PKM: variants seen among roughly 807,000 people sequenced by gnomAD.
The protein encoded by PKM is pyruvate kinase M1/2, also known as pyruvate kinase PKM.
Under a neutral mutation model 49.8 loss-of-function variants are expected in PKM, and 18 were observed. The observed-to-expected ratio is 0.36, with a 90% confidence interval of 0.25 to 0.54. PKM has a LOEUF of 0.54. Ranked by LOEUF, PKM falls within the 20% of genes least tolerant of loss-of-function variation. The pLI is 0.89. For synonymous variants in PKM, 239 were observed against 261.8 expected (o/e 0.91, Z 0.84); for missense variants, 508 against 713.8 (o/e 0.71, Z 3.28).
intron 8 of PKM, chr15:72,203,535 C>T (rs982494918): frequency 5.5e-6 from 2 of 365,456 alleles, no homozygotes; most frequent in Admixed American, 8.0e-5. Flanking sequence ...AGGACTTGAC[C>T]ACGCTGCCTC....
intron 1 of PKM, among the ~76,000 whole-genome samples, chr15:72,230,579 G>C (rs1008621519): frequency 6.6e-6 from 1 of 152,140 alleles, no homozygotes; most frequent in African/African-American, 2.4e-5. Context: ...GCGCGGGAAG[G>C]GCGGTCGCGC....
At chr15:72,223,375 A>C (rs552597001) in intron 1 of PKM, among the ~76,000 whole-genome samples, 50 of 152,288 alleles carry the variant, frequency 3.3e-4, no homozygotes, top group African/African-American at 1.2e-3. Context: ...CACATAGATC[A>C]ACTATAAAAT....
intron 2 of PKM, among the ~76,000 whole-genome samples, chr15:72,218,561 A>C (rs1440222768): frequency 1.3e-5 from 2 of 151,244 alleles, no homozygotes; most frequent in Non-Finnish European, 2.9e-5. Context: ...CCAGAACTAC[A>C]GGTGCATGCC....
chr15:72,228,562 A>C (rs1326519059), intron 1 of PKM: 8 of 1,011,886 alleles, frequency 7.9e-6, no homozygotes, highest in Non-Finnish European at 1.1e-5. Flanking sequence ...ACCACAATGT[A>C]GTTTCCCCAC....
chr15:72,210,246 A>G, intron 4 of PKM, 101 bp downstream of exon 4: 1 of 1,238,620 alleles, frequency 8.1e-7, no homozygotes, highest in South Asian at 1.3e-5. Flanking sequence ...GCAGTCCTTC[A>G]TAGTACTGGG....
chr15:72,200,450 C>T lies in PKM; in HGVS notation c.1489+24G>A, dbSNP rs757789021. On this transcript the variant is annotated intron_variant, in intron 10 of 10. Coordinates refer to ENST00000335181, the MANE Select transcript of PKM (RefSeq NM_002654.6). This position sits in a 1 kb window ranked among gnomAD's most constrained non-coding sequence, Gnocchi z 4.6. ...AAGCATCCCCAAGCTCCTCTAGGCT[C>T]TAGCCCCTGCTCCAGCCACGTACCA... 3.7e-6 allele frequency: 6 copies of T among 1,609,624 alleles called. No individual in the cohort carries two copies. Among genetic ancestry groups the T allele is most frequent in the Admixed American group, 1.7e-5 (1 of 60,018 alleles).
At chr15:72,215,980 TG>T (rs1407033446) in intron 3 of PKM, among the ~76,000 whole-genome samples, 2 of 152,232 alleles carry the variant, frequency 1.3e-5, no homozygotes, top group Admixed American at 1.3e-4. Context: ...CTGCTGGACT[TG>T]GTCAGGTCCC....
chr15:72,221,387 A>G, intron 1 of PKM: 2 of 633,064 alleles, frequency 3.2e-6, no homozygotes, highest in Non-Finnish European at 5.5e-6. Flanking sequence ...TGCTCTAGAG[A>G]TTCCACTGTT....
At chr15:72,226,531 A>G (rs2082675289) in intron 1 of PKM, among the ~76,000 whole-genome samples, 1 of 152,220 alleles carries the variant, frequency 6.6e-6, no homozygotes, top group South Asian at 2.1e-4. Flanking sequence ...CTCCGTCTCA[A>G]AAAAATAAAA....
In PKM at chr15:72,203,225, G is replaced by A. The variant is rs528519184; in HGVS notation, c.1141-605C>T. ...AGGGGAAGAGGGGGCAAGGAAGAGG[G>A]AAGGAGGAGGAAAAAAACGAGACAC... is the stretch of plus-strand genomic sequence containing the variant. On this transcript the variant is annotated intron_variant, in intron 8 of 10. Transcript: ENST00000335181. 3.8e-6 allele frequency: 6 copies of A among 1,584,270 alleles called. No homozygotes were observed. In the South Asian group the frequency reaches 6.6e-5, roughly 18 times the overall value.
At chr15:72,209,496 G>C in intron 5 of PKM, 177 bp downstream of exon 5, 1 of 509,570 alleles carries the variant, frequency 2.0e-6, no homozygotes, top group Non-Finnish European at 3.6e-6. Context: ...CCAGAAGAAT[G>C]TAACTATGCT....
chr15:72,220,617 T>G lies in PKM; in HGVS notation c.-13-1507A>C, dbSNP rs375154907. Among the ~76,000 whole-genome samples the G allele has an allele frequency of 1.2e-4, 18 of 152,376 alleles. No homozygotes were observed. The East Asian group carries it at 1.9e-3, about 16-fold the overall frequency. ...ACTCTTCATTTCGATGTGTATTTCC[T>G]AAGCCCCTAATATCTACTACGTACC... On this transcript the variant is annotated intron_variant, in intron 1 of 10. Transcript: ENST00000335181.
At chr15:72,214,125 T>C (rs2082320621) in intron 3 of PKM, among the ~76,000 whole-genome samples, 1 of 152,248 alleles carries the variant, frequency 6.6e-6, no homozygotes, top group Non-Finnish European at 1.5e-5. Context: ...AGATCTTTGC[T>C]TTCTAAAGTA....
chr15:72,229,104 A>G (rs1301596471), intron 1 of PKM, among the ~76,000 whole-genome samples: 1 of 152,238 alleles, frequency 6.6e-6, no homozygotes, highest in African/African-American at 2.4e-5. Flanking sequence ...GTGGTTATTC[A>G]GAGAGCCTGA....
Position 72,199,403 on chromosome 15 carries a change from C to A in PKM, c.*247G>T. The A allele has an allele frequency of 1.5e-6, 1 of 677,736 alleles. No individual in the cohort carries two copies. Among genetic ancestry groups the A allele is most frequent in the Non-Finnish European group, 2.7e-6 (1 of 369,296 alleles). The allele number at this position is 677,736 out of a possible 1,614,324, so 42.0% of individuals were successfully genotyped here. A position where few individuals can be genotyped will look rare whatever the true frequency, so the allele number is the denominator to read the frequency against. On this transcript the variant is annotated 3_prime_UTR_variant, in exon 11 of 11. Coordinates refer to ENST00000335181, the MANE Select transcript of PKM (RefSeq NM_002654.6). ...CCATCTGGCTCCAGGGGCCTCCAGT[C>A]CAGCATTCCTCCTTCTTCCCTTGAT...
chr15:72,206,948 G>C (rs1286038542), intron 7 of PKM, 68 bp from the exon 8 acceptor site: 1 of 1,568,530 alleles, frequency 6.4e-7, no homozygotes, highest in Non-Finnish European at 8.8e-7. Flanking sequence ...ACAGCAAGCT[G>C]ATCCTCTGGA....
At position 72,202,421 on chromosome 15, in the gene PKM, AG is replaced by A. The variant is rs1405859352; in HGVS notation, c.1307+32del. ...CCCCCAAGGTGAGGTACCACTGAGC[AG>A]GGCATTCCAGGGAGCCGCTGCCGCC... On this transcript the variant is annotated intron_variant, in intron 9 of 10. Transcript: ENST00000335181. This position sits in a 1 kb window ranked among gnomAD's most constrained non-coding sequence, Gnocchi z 4.5. 2 of 1,602,028 alleles carry A rather than the reference AG, an allele frequency of 1.2e-6. No individual in the cohort carries two copies. Among genetic ancestry groups the A allele is most frequent in the African/African-American group, 2.7e-5 (2 of 74,828 alleles).
chr15:72,229,374 CAG>C (rs1398063894), intron 1 of PKM, among the ~76,000 whole-genome samples: 3 of 152,176 alleles, frequency 2.0e-5, no homozygotes, highest in East Asian at 1.9e-4. Context: ...TGAACTCCTT[CAG>C]AGTCTCAGGA....
At position 72,210,367 on chromosome 15, in the gene PKM, G is replaced by A. The variant is rs2082219195; in HGVS notation, c.358C>T (p.Arg120Ter). The A allele has an allele frequency of 3.1e-6, 5 of 1,614,126 alleles. No individual in the cohort carries two copies. Among genetic ancestry groups the A allele is most frequent in the South Asian group, 1.1e-5 (1 of 91,080 alleles). Reference protein sequence around the residue: ...VALDTKGPEIRTGLIKGSGTA... With the variant: ...VALDTKGPEI ...CTCACGCCCTTGATGAGCCCAGTTC[G>A]GATCTCAGGTCCTTTAGTGTCTAGA... Residue 120 changes from arginine (R) to a stop codon, truncating the protein, a stop_gained, in exon 4 of 11, where the codon CGA becomes TGA. Transcript: ENST00000335181. LOFTEE classifies it high-confidence loss of function.
Sources: allele counts gnomAD v4.1 joint callset (sites outside exome capture counted in the v4.1 genomes callset), GRCh38; gene constraint gnomAD v4.1.1; non-coding constraint Gnocchi (gnomAD v3.1); transcripts MANE v1.5; gene names NCBI Gene and HGNC (gene_info 2026-07-23, HGNC 2026-07-21).